Variants in LRP1B observed in about 807,000 individuals in gnomAD.
LRP1B encodes low-density lipoprotein receptor-related protein 1B.
In LRP1B, 217 loss-of-function variants were observed where a neutral mutation model predicts 556.6. That is an observed-to-expected ratio of 0.39 (90% CI 0.35 to 0.44). The LOEUF is 0.44. Among genes scored for constraint, LRP1B ranks in the 20% least tolerant of loss-of-function variants. LRP1B has a pLI of 1.00. For synonymous variants in LRP1B, 2,047 were observed against 1,865.8 expected (o/e 1.10, Z -2.50); for missense variants, 5,053 against 5,620.8 (o/e 0.90, Z 3.23).
intron 3 of LRP1B, among the ~76,000 whole-genome samples, chr2:141,464,721 T>C (rs12470243): frequency 0.64 from 94,975 of 149,000 alleles, 31,513 homozygotes; most frequent in East Asian, 0.83. Context: ...CACGAGCCCC[T>C]GCGCCCGTCC....
At chr2:140,633,062 C>CAA (rs1342006327) in intron 41 of LRP1B, among the ~76,000 whole-genome samples, 1 of 111,960 alleles carries the variant, frequency 8.9e-6, no homozygotes, top group African/African-American at 3.5e-5. Flanking sequence ...GATTCAGTCT[C>CAA]AAAAAAAAGA....
intron 20 of LRP1B, 104 bp from the exon 21 acceptor site, chr2:140,923,251 A>C (rs2105259368): frequency 1.2e-6 from 1 of 807,472 alleles, no homozygotes; most frequent in East Asian, 2.7e-5. Context: ...TTCTTTCTTC[A>C]GGCATTATTA....
chr2:141,916,410 G>T (rs1700034226), intron 1 of LRP1B, among the ~76,000 whole-genome samples: 1 of 142,820 alleles, frequency 7.0e-6, no homozygotes, highest in South Asian at 2.2e-4. Context: ...TGTCCCCCAG[G>T]CTGGAGTGCA....
At chr2:141,143,572 G>T (rs1701710286) in intron 7 of LRP1B, among the ~76,000 whole-genome samples, 1 of 152,120 alleles carries the variant, frequency 6.6e-6, no homozygotes, top group Admixed American at 6.5e-5. Flanking sequence ...TAAATTCCTA[G>T]TATCTTGAGC....
chr2:141,829,653 G>C (rs969891125), intron 1 of LRP1B, among the ~76,000 whole-genome samples: 1 of 152,006 alleles, frequency 6.6e-6, no homozygotes, highest in African/African-American at 2.4e-5. Flanking sequence ...CAGAGGGAAA[G>C]TCTGAACACC....
intron 35 of LRP1B, among the ~76,000 whole-genome samples, chr2:140,750,701 T>C (rs758035095): frequency 7.2e-5 from 11 of 152,194 alleles, no homozygotes; most frequent in Non-Finnish European, 1.5e-4. Flanking sequence ...TTGTAACTTA[T>C]TGACTACAGT....
chr2:141,102,410 T>A (rs1700484952), intron 7 of LRP1B, among the ~76,000 whole-genome samples: 1 of 152,082 alleles, frequency 6.6e-6, no homozygotes, highest in African/African-American at 2.4e-5. Flanking sequence ...CTTCTGTCAC[T>A]GGGAACAGAG....
At chr2:141,034,943 A>G (rs1459362248) in intron 11 of LRP1B, among the ~76,000 whole-genome samples, 3 of 152,062 alleles carry the variant, frequency 2.0e-5, no homozygotes, top group African/African-American at 7.3e-5. Flanking sequence ...AATAGCAAAG[A>G]CTTGGAACCA....
chr2:141,223,883 C>G (rs986408756), intron 6 of LRP1B, among the ~76,000 whole-genome samples: 2 of 152,118 alleles, frequency 1.3e-5, no homozygotes, highest in African/African-American at 4.8e-5. Flanking sequence ...AAAATTAACT[C>G]AAGATGGATT....
chr2:140,381,703 A>T (rs1465831378), intron 67 of LRP1B, among the ~76,000 whole-genome samples: 2 of 151,948 alleles, frequency 1.3e-5, no homozygotes, highest in Non-Finnish European at 2.9e-5. Flanking sequence ...CTGCACAAAA[A>T]ATACAAAAAT....
chr2:140,637,162 ATTTCAGGAAATCACT>A (rs1432712630), intron 41 of LRP1B, among the ~76,000 whole-genome samples: 1 of 152,220 alleles, frequency 6.6e-6, no homozygotes, highest in Admixed American at 6.5e-5. Context: ...TAGGGGCAGA[ATTTCAGGAAATCACT>A]TTTGGATCAA....
At chr2:141,600,289 C>A (rs1687678304) in intron 2 of LRP1B, among the ~76,000 whole-genome samples, 1 of 152,140 alleles carries the variant, frequency 6.6e-6, no homozygotes, top group African/African-American at 2.4e-5. Flanking sequence ...ACCAATCATG[C>A]CTGTCTCTGA....
chr2:141,441,222 G>T (rs2105003827), intron 3 of LRP1B, among the ~76,000 whole-genome samples: 1 of 152,148 alleles, frequency 6.6e-6, no homozygotes, highest in South Asian at 2.1e-4. Flanking sequence ...GATTACAGGT[G>T]CCTGCCACCA....
At chr2:141,044,577 A>G (rs1375103630) in intron 11 of LRP1B, among the ~76,000 whole-genome samples, 2 of 151,368 alleles carry the variant, frequency 1.3e-5, no homozygotes, top group Non-Finnish European at 3.0e-5. Flanking sequence ...TTTACAAGAA[A>G]AAAACAAACA....
chr2:140,405,055 A>G (rs375828980), intron 66 of LRP1B, among the ~76,000 whole-genome samples: 1 of 152,348 alleles, frequency 6.6e-6, no homozygotes, highest in South Asian at 2.1e-4. Context: ...GTAAAACTAG[A>G]AATCAATTCC....
chr2:142,019,736 G>T (rs1703274233), intron 1 of LRP1B, among the ~76,000 whole-genome samples: 1 of 152,086 alleles, frequency 6.6e-6, no homozygotes, highest in African/African-American at 2.4e-5. Context: ...TCTGACCCAG[G>T]ATGACCATTG....
chr2:141,279,423 T>A (rs534306610), intron 3 of LRP1B, among the ~76,000 whole-genome samples: 1 of 152,242 alleles, frequency 6.6e-6, no homozygotes, highest in South Asian at 2.1e-4. Context: ...AGATTGGTAC[T>A]GTAGAAGTGA....
intron 87 of LRP1B, among the ~76,000 whole-genome samples, chr2:140,240,582 A>G (rs1258276717): frequency 6.6e-6 from 1 of 150,884 alleles, no homozygotes; most frequent in African/African-American, 2.4e-5. Context: ...ACAGGAAAGT[A>G]TGACATAGCT....
chr2:141,374,984 G>A (rs1026290835), intron 3 of LRP1B, among the ~76,000 whole-genome samples: 2 of 152,072 alleles, frequency 1.3e-5, no homozygotes, highest in East Asian at 3.9e-4. Flanking sequence ...TGCACATCTG[G>A]TGTAGCAGTC....
Sources: allele counts gnomAD v4.1 joint callset (sites outside exome capture counted in the v4.1 genomes callset), GRCh38; gene constraint gnomAD v4.1.1; transcripts MANE v1.5; gene names NCBI Gene and HGNC (gene_info 2026-07-23, HGNC 2026-07-21).